MARCHF6: variants seen among roughly 807,000 people sequenced by gnomAD.
MARCHF6 encodes E3 ubiquitin-protein ligase MARCHF6.
MARCHF6 carries 31 observed loss-of-function variants against 133.7 expected under a neutral mutation model. The ratio of observed to expected loss-of-function variants is 0.23; its 90% CI spans 0.17 to 0.31. The LOEUF (loss-of-function observed/expected upper bound fraction) is 0.31, where lower values mean the gene tolerates loss of function less well. Ranked by LOEUF, MARCHF6 falls within the 10% of genes least tolerant of loss-of-function variation. The probability of loss-of-function intolerance (pLI) is 1.00; values close to 1 mark genes in which losing one functional copy is unlikely to be tolerated. For synonymous variants in MARCHF6, 395 were observed against 402.5 expected (o/e 0.98, Z 0.22); for missense variants, 723 against 1,121.6 (o/e 0.64, Z 5.08).
intron 5 of MARCHF6, 130 bp downstream of exon 5, chr5:10,387,196 A>G (rs988623062): frequency 4.0e-5 from 23 of 580,816 alleles, no homozygotes; most frequent in Non-Finnish European, 5.9e-5. Context: ...CTATTACACT[A>G]ACAGTTATAG....
intron 21 of MARCHF6, among the ~76,000 whole-genome samples, chr5:10,416,865 A>G (rs1739543238): frequency 6.6e-6 from 1 of 152,178 alleles, no homozygotes; most frequent in Non-Finnish European, 1.5e-5. Context: ...CTATTGGACC[A>G]TGTTGTTCTT....
Position 10,394,111 on chromosome 5 carries a change from G to T in MARCHF6, c.796G>T (p.Asp266Tyr). ...CATGAATTGGAATGCTTTAGAATGG[G>T]ACCGAGCTGCTGAAGAGCTTACATG... The part of the protein sequence containing the change: ...DDMNWNALEW[D>Y]RAAEELTWER... The change falls in exon 8 of 26, where the codon GAC (aspartate) becomes TAC (tyrosine). Residue 266 changes from aspartate (D) to tyrosine (Y), a missense_variant. By Grantham distance (160) the Asp-to-Tyr change is radical. Coordinates refer to ENST00000274140, the MANE Select transcript of MARCHF6 (RefSeq NM_005885.4). 6.4e-7 allele frequency: 1 copy of T among 1,573,740 alleles called. No individual in the cohort carries two copies. Among genetic ancestry groups the T allele is most frequent in the African/African-American group, 1.4e-5 (1 of 73,874 alleles).
intron 7 of MARCHF6, among the ~76,000 whole-genome samples, chr5:10,392,010 G>A (rs2567580): frequency 0.22 from 33,029 of 149,730 alleles, 5,323 homozygotes; most frequent in East Asian, 0.67. Flanking sequence ...CCAGGCTGGA[G>A]TGCAGTGGCG....
At chr5:10,363,056 G>C (rs1051858452) in intron 1 of MARCHF6, among the ~76,000 whole-genome samples, 2 of 152,094 alleles carry the variant, frequency 1.3e-5, no homozygotes, top group Admixed American at 6.5e-5. Flanking sequence ...AGGGCTGTTA[G>C]ACCTCAATGA....
chr5:10,381,023 C>A (rs1737109967), intron 3 of MARCHF6, among the ~76,000 whole-genome samples: 1 of 151,528 alleles, frequency 6.6e-6, no homozygotes, highest in Non-Finnish European at 1.5e-5. Context: ...AATTTTAGAT[C>A]ATTGCTTTTA....
rs1170569183 is a variant in MARCHF6 at position 10,435,171 on chromosome 5, G to A, written c.*1487G>A. 2.0e-5 allele frequency: 3 copies of A among 152,540 alleles called. No individual in the cohort carries two copies. Among genetic ancestry groups the A allele is most frequent in the Admixed American group, 2.0e-4 (3 of 15,282 alleles). The allele number at this position is 152,540 out of a possible 1,614,324, so 9.4% of individuals were successfully genotyped here. A position where few individuals can be genotyped will look rare whatever the true frequency, so the allele number is the denominator to read the frequency against. ...AAAATCTGAGAATTTTTTAACATAT[G>A]CAAGTCAGCCAAACATAAGCTACCA... On this transcript the variant is annotated 3_prime_UTR_variant, in exon 26 of 26. Transcript: ENST00000274140.
At chr5:10,385,896 C>G (rs899020969) in intron 4 of MARCHF6, among the ~76,000 whole-genome samples, 15 of 152,180 alleles carry the variant, frequency 9.9e-5, no homozygotes, top group African/African-American at 3.6e-4. Flanking sequence ...AGCTTGATTT[C>G]TGTTCTAATT....
At chr5:10,396,247 G>A (rs2126745201) in intron 9 of MARCHF6, among the ~76,000 whole-genome samples, 1 of 152,288 alleles carries the variant, frequency 6.6e-6, no homozygotes, top group East Asian at 1.9e-4. Flanking sequence ...TGTAAACAAG[G>A]AATGTTTTGG....
chr5:10,364,290 C>CA (rs1561096634), intron 1 of MARCHF6, among the ~76,000 whole-genome samples: 3 of 151,992 alleles, frequency 2.0e-5, no homozygotes, highest in Non-Finnish European at 2.9e-5. Flanking sequence ...AGCAACCTTC[C>CA]GGGTACAGGT....
chr5:10,396,776 C>G (rs1339110887), intron 9 of MARCHF6, among the ~76,000 whole-genome samples: 1 of 152,096 alleles, frequency 6.6e-6, no homozygotes, highest in African/African-American at 2.4e-5. Flanking sequence ...CAAAGAAAGT[C>G]AGGGCACCAT....
rs984884445 is a variant in MARCHF6 at position 10,411,426 on chromosome 5, C to T, written c.1785C>T (p.Asn595=). ...ATAATCAGCATGCTCGAAATAACAA[C>T]GCTATTCCTGTGGTGGGAGAAGGCC... ...VNNNQHARNN[N]AIPVVGEGLH... is the part of the protein sequence containing the mutation. The change falls in exon 19 of 26, where the codon AAC becomes AAT. Residue 595 remains asparagine, a synonymous_variant. Transcript: ENST00000274140. The T allele has an allele frequency of 5.6e-6, 9 of 1,614,052 alleles. No homozygotes were observed. The highest frequency in any genetic ancestry group is 4.0e-5 in the African/African-American group (3 of 74,930).
At chr5:10,401,513 T>C (rs1193975304) in intron 11 of MARCHF6, 2 of 154,042 alleles carry the variant, frequency 1.3e-5, no homozygotes, top group African/African-American at 2.4e-5. Context: ...ATTTTGACTT[T>C]CCAAACTTTT....
chr5:10,406,207 CT>C (rs1738879251), intron 16 of MARCHF6, among the ~76,000 whole-genome samples: 1 of 152,092 alleles, frequency 6.6e-6, no homozygotes, highest in South Asian at 2.1e-4. Flanking sequence ...AAACTGGTCC[CT>C]GATGCCAAAA....
In MARCHF6 at chr5:10,390,185, C is replaced by G. The variant is rs1431166543; in HGVS notation, c.408-147C>G. 1.4e-5 allele frequency: 9 copies of G among 646,724 alleles called. No individual in the cohort carries two copies. In the South Asian group the frequency reaches 1.6e-4, roughly 12 times the overall value. 40.1% of individuals were successfully genotyped at this position (646,724 alleles called of 1,614,324 possible). On this transcript the variant is annotated intron_variant, in intron 5 of 25. Coordinates refer to ENST00000274140, the MANE Select transcript of MARCHF6 (RefSeq NM_005885.4). ...ATCACAAATAGTTCTTTTGGAGAAACTTGAGATTTTCATCCAAAAAATTAT... is the reference window on the plus strand; with the variant it reads ...ATCACAAATAGTTCTTTTGGAGAAAGTTGAGATTTTCATCCAAAAAATTAT...
At chr5:10,378,422 C>G (rs1342850180) in intron 2 of MARCHF6, among the ~76,000 whole-genome samples, 1 of 152,180 alleles carries the variant, frequency 6.6e-6, no homozygotes, top group Non-Finnish European at 1.5e-5. Flanking sequence ...AACCAGGATT[C>G]AGACCTAGCT....
chr5:10,363,099 A>G (rs1379430415), intron 1 of MARCHF6, among the ~76,000 whole-genome samples: 2 of 152,190 alleles, frequency 1.3e-5, no homozygotes. Flanking sequence ...CTAGGGGAAA[A>G]TATAGGAGAA....
chr5:10,375,501 G>A (rs1451739822), intron 1 of MARCHF6, among the ~76,000 whole-genome samples: 2 of 152,254 alleles, frequency 1.3e-5, no homozygotes, highest in Non-Finnish European at 2.9e-5. Flanking sequence ...TCTGCTCCAC[G>A]GCGCCCAGTC....
At chr5:10,411,235 T>G in intron 18 of MARCHF6, 98 bp from the exon 19 acceptor site, 3 of 952,522 alleles carry the variant, frequency 3.1e-6, no homozygotes, top group Non-Finnish European at 4.9e-6. Flanking sequence ...ATTATACATT[T>G]TCTACCCTTA....
Position 10,433,740 on chromosome 5 carries a change from C to G in MARCHF6, c.*56C>G. Reference sequence around the variant, plus strand: ...TTTACATGTCCTTTTTTGTGGACTTCTCTCTTTGGAGATTTTTCCCAGTGA... The same window carrying G: ...TTTACATGTCCTTTTTTGTGGACTTGTCTCTTTGGAGATTTTTCCCAGTGA... On this transcript the variant is annotated 3_prime_UTR_variant, in exon 26 of 26. Coordinates refer to ENST00000274140, the MANE Select transcript of MARCHF6 (RefSeq NM_005885.4). 3 of 1,416,302 alleles carry G rather than the reference C, an allele frequency of 2.1e-6. No homozygotes were observed. The highest frequency in any genetic ancestry group is 3.0e-6 in the Non-Finnish European group (3 of 1,001,156). 87.7% of individuals were successfully genotyped at this position (1,416,302 alleles called of 1,614,324 possible). A position where few individuals can be genotyped will look rare whatever the true frequency, so the allele number is the denominator to read the frequency against.
Sources: allele counts gnomAD v4.1 joint callset (sites outside exome capture counted in the v4.1 genomes callset), GRCh38; gene constraint gnomAD v4.1.1; transcripts MANE v1.5; gene names NCBI Gene and HGNC (gene_info 2026-07-23, HGNC 2026-07-21).